The following LYPLAL1 variants were observed in gnomAD, a reference collection of about 807,000 sequenced individuals.
LYPLAL1 encodes lysophospholipase-like protein 1.
A neutral mutation model predicts 19.7 loss-of-function variants in LYPLAL1; 23 were observed. The ratio of observed to expected loss-of-function variants is 1.17; its 90% confidence interval spans 0.84 to 1.65. LYPLAL1 has a LOEUF of 1.65. Among genes scored for constraint, LYPLAL1 ranks in the 40% most tolerant of loss-of-function variants. LYPLAL1 has a pLI of 0.00. For synonymous variants in LYPLAL1, 119 were observed against 96.3 expected (o/e 1.24, Z -1.38); for missense variants, 355 against 279.4 (o/e 1.27, Z -1.93).
intron 2 of LYPLAL1, among the ~76,000 whole-genome samples, chr1:219,190,516 A>AT (rs1386395996): frequency 2.0e-5 from 3 of 150,662 alleles, no homozygotes; most frequent in Admixed American, 2.0e-4. Context: ...TACTATATAT[A>AT]AAAAATGTAT....
At chr1:219,195,349 GTA>G (rs998743786) in intron 3 of LYPLAL1, among the ~76,000 whole-genome samples, 21 of 152,152 alleles carry the variant, frequency 1.4e-4, no homozygotes, top group South Asian at 4.1e-4. Context: ...GGAGAAACCA[GTA>G]TAATATAATG....
chr1:219,412,662 A>G, the LYPLAL1 span, among the ~76,000 whole-genome samples: 3 of 152,200 alleles, frequency 2.0e-5, no homozygotes, highest in African/African-American at 4.8e-5. Flanking sequence ...TCACATTCAT[A>G]TAGAACCTCC....
chr1:219,216,279 C>G (rs1659287263), downstream of LYPLAL1, among the ~76,000 whole-genome samples: 1 of 151,822 alleles, frequency 6.6e-6, no homozygotes, highest in Non-Finnish European at 1.5e-5. Context: ...TTGTTGGTCC[C>G]TTTATAATAT....
the LYPLAL1 span, among the ~76,000 whole-genome samples, chr1:219,250,016 A>G: frequency 6.6e-6 from 1 of 151,960 alleles, no homozygotes; most frequent in Non-Finnish European, 1.5e-5. Context: ...AGAAACTACT[A>G]ATGTTAATTT....
the LYPLAL1 span, among the ~76,000 whole-genome samples, chr1:219,391,232 C>T: frequency 2.6e-5 from 4 of 152,126 alleles, no homozygotes; most frequent in Non-Finnish European, 5.9e-5. Flanking sequence ...GATCCTTTCT[C>T]CTCCATGGAC....
At chr1:219,266,622 T>C in the LYPLAL1 span, among the ~76,000 whole-genome samples, 3 of 152,206 alleles carry the variant, frequency 2.0e-5, no homozygotes, top group Non-Finnish European at 4.4e-5. Flanking sequence ...ACACTATATA[T>C]AATTGTATGT....
the LYPLAL1 span, among the ~76,000 whole-genome samples, chr1:219,383,740 A>G: frequency 2.0e-5 from 3 of 152,238 alleles, no homozygotes; most frequent in Non-Finnish European, 2.9e-5. Flanking sequence ...TCATAGTAGC[A>G]TATATTCCAC....
chr1:219,223,535 T>TC, the LYPLAL1 span, among the ~76,000 whole-genome samples: 3 of 152,204 alleles, frequency 2.0e-5, no homozygotes, highest in Non-Finnish European at 2.9e-5. Flanking sequence ...CTCATTATTA[T>TC]GTGCTTTTTC....
the LYPLAL1 span, among the ~76,000 whole-genome samples, chr1:219,365,740 A>G: frequency 3.3e-5 from 5 of 152,164 alleles, no homozygotes; most frequent in Non-Finnish European, 5.9e-5. Context: ...TGACCATGAT[A>G]TATGGGAATC....
In LYPLAL1 at chr1:219,211,792, A is replaced by T. The variant is rs1659068979; in HGVS notation, c.*64A>T. The stretch of plus-strand genomic sequence containing the variant: ...TTTGTGAAAAGTGATTTTTACTGCC[A>T]AATTATAATGATAATTAAAATATTA... On this transcript the variant is annotated 3_prime_UTR_variant, in exon 5 of 5. Coordinates refer to ENST00000366928, the MANE Select transcript of LYPLAL1 (RefSeq NM_138794.5). 1.0e-6 allele frequency: 1 copy of T among 1,001,666 alleles called. No individual in the cohort carries two copies. Among genetic ancestry groups the T allele is most frequent in the South Asian group, 1.7e-5 (1 of 59,526 alleles). The allele number at this position is 1,001,666 out of a possible 1,614,324, so 62.0% of individuals were successfully genotyped here. A position where few individuals can be genotyped will look rare whatever the true frequency, so the allele number is the denominator to read the frequency against.
At chr1:219,306,849 T>TAGATAGATAGACAGACAGACAGACAGAC in the LYPLAL1 span, among the ~76,000 whole-genome samples, 6 of 135,304 alleles carry the variant, frequency 4.4e-5, no homozygotes, top group Admixed American at 4.7e-4. Context: ...GATAGATAGA[T>TAGATAGATAGACAGACAGACAGACAGAC]AGACAGACAG....
the LYPLAL1 span, among the ~76,000 whole-genome samples, chr1:219,285,181 A>G: frequency 1.3e-5 from 2 of 152,244 alleles, no homozygotes; most frequent in South Asian, 2.1e-4. Context: ...AAAGAAATCA[A>G]CTTTATCGAT....
the LYPLAL1 span, among the ~76,000 whole-genome samples, chr1:219,332,929 T>C: frequency 1.3e-5 from 2 of 150,238 alleles, no homozygotes; most frequent in African/African-American, 2.4e-5. Flanking sequence ...TTCAGTACCT[T>C]GTGAGTATAG....
At chr1:219,394,276 T>C in the LYPLAL1 span, among the ~76,000 whole-genome samples, 1 of 151,630 alleles carries the variant, frequency 6.6e-6, no homozygotes, top group African/African-American at 2.4e-5. Context: ...AATTCAAATA[T>C]TTGTACAATT....
At chr1:219,316,215 T>C in the LYPLAL1 span, among the ~76,000 whole-genome samples, 1 of 152,192 alleles carries the variant, frequency 6.6e-6, no homozygotes, top group African/African-American at 2.4e-5. Flanking sequence ...CATTTCTACA[T>C]CCTCTTCATT....
chr1:219,296,153 A>G, the LYPLAL1 span, among the ~76,000 whole-genome samples: 1 of 152,200 alleles, frequency 6.6e-6, no homozygotes, highest in Non-Finnish European at 1.5e-5. Flanking sequence ...CATTTTGGCA[A>G]TATATGGACA....
In LYPLAL1 at chr1:219,211,552, GAGTT is replaced by G. The variant is rs759035404; in HGVS notation, c.543_546del (p.Leu181PhefsTer13). The G allele has an allele frequency of 1.4e-5, 22 of 1,613,376 alleles. No individual in the cohort carries two copies. The highest frequency in any genetic ancestry group is 1.8e-5 in the Non-Finnish European group (21 of 1,179,530). On this transcript the variant is annotated frameshift_variant, in exon 5 of 5. Coordinates refer to ENST00000366928, the MANE Select transcript of LYPLAL1 (RefSeq NM_138794.5). LOFTEE classifies it low-confidence loss of function (END_TRUNC). ...ATTTCAGTGTCATGGTACTGCAGAT[GAGTT>G]AGTTCTTCATTCTTGGGCAGAAGAG...
At chr1:219,248,144 T>A in the LYPLAL1 span, among the ~76,000 whole-genome samples, 1 of 152,184 alleles carries the variant, frequency 6.6e-6, no homozygotes, top group Non-Finnish European at 1.5e-5. Flanking sequence ...TATGAAACAT[T>A]GAAGTTTTAA....
the LYPLAL1 span, among the ~76,000 whole-genome samples, chr1:219,353,232 G>A: frequency 2.6e-5 from 4 of 152,294 alleles, no homozygotes; most frequent in Admixed American, 6.5e-5. Context: ...AGGCAGATTG[G>A]TGCTCAGAGA....
Sources: gnomAD v4.1 joint callset for allele counts (sites outside exome capture counted in the v4.1 genomes callset) on GRCh38, gnomAD v4.1.1 for gene constraint, MANE v1.5 for transcripts, NCBI Gene and HGNC (gene_info 2026-07-23, HGNC 2026-07-21) for gene names.